ARHGEF10L: variants seen among roughly 807,000 people sequenced by gnomAD.
ARHGEF10L encodes the protein rho guanine nucleotide exchange factor 10-like protein.
A neutral mutation model predicts 141.2 loss-of-function variants in ARHGEF10L; 69 were observed. The ratio of observed to expected loss-of-function variants is 0.49; its 90% CI spans 0.40 to 0.60. The LOEUF (loss-of-function observed/expected upper bound fraction) is 0.60, where lower values mean the gene tolerates loss of function less well. Ranked by LOEUF, ARHGEF10L falls within the 20% of genes least tolerant of loss-of-function variation. The pLI, the probability that ARHGEF10L is intolerant of heterozygous loss-of-function variation, is 0.00. For synonymous variants in ARHGEF10L, 711 were observed against 718.5 expected (o/e 0.99, Z 0.17); for missense variants, 1,482 against 1,734.3 (o/e 0.85, Z 2.58).
Position 17,644,136 on chromosome 1 carries a change from T to G in ARHGEF10L, c.2272+3834T>G, listed in dbSNP as rs946427157. ...CATGGGCCTGGCAGGCCATGGCTAA[T>G]GCCAAACTCACAGGGACATAACCAG... On this transcript the variant is annotated intron_variant, in intron 21 of 28. Transcript: ENST00000361221. This position sits in a 1 kb window ranked among gnomAD's most constrained non-coding sequence, Gnocchi z 4.5. Among the ~76,000 whole-genome samples, 12 of 152,240 alleles carry G rather than the reference T, an allele frequency of 7.9e-5. No homozygotes were observed. The highest frequency in any genetic ancestry group is 1.6e-4 in the Non-Finnish European group (11 of 68,038).
chr1:17,579,718 G>T (rs1298093926), intron 1 of ARHGEF10L, among the ~76,000 whole-genome samples: 2 of 152,198 alleles, frequency 1.3e-5, no homozygotes, highest in Non-Finnish European at 2.9e-5. Context: ...AGACCAGGGG[G>T]CTGGGTGCTT....
In ARHGEF10L at chr1:17,627,844, G is replaced by C. The variant is rs1327127607; in HGVS notation, c.1584+341G>C. 6.6e-6 allele frequency among the ~76,000 whole-genome samples: 1 copy of C among 152,222 alleles called. No homozygotes were observed. The highest frequency in any genetic ancestry group is 1.5e-5 in the Non-Finnish European group (1 of 68,010). ...ATAGGTGCTTGCTGTGTGCCCTCAA[G>C]GGAATCACCCACCCTCTCTGAACCT... On this transcript the variant is annotated intron_variant, in intron 15 of 28. Transcript: ENST00000361221. The surrounding 1 kb of genome is among the most constrained non-coding windows in gnomAD (Gnocchi z 4.0).
chr1:17,643,185 G>A (rs1158499858), intron 21 of ARHGEF10L, among the ~76,000 whole-genome samples: 1 of 152,174 alleles, frequency 6.6e-6, no homozygotes, highest in African/African-American at 2.4e-5. Flanking sequence ...ATATGAGCCT[G>A]TTAGAAATAG....
intron 26 of ARHGEF10L, among the ~76,000 whole-genome samples, chr1:17,669,812 A>G (rs1036940916): frequency 1.3e-5 from 2 of 152,248 alleles, no homozygotes; most frequent in Non-Finnish European, 2.9e-5. Context: ...CACAGAAATG[A>G]GCAAGGTGGG....
At position 17,644,587 on chromosome 1, in the gene ARHGEF10L, T is replaced by A. The variant is rs2061487890; in HGVS notation, c.2273-3967T>A. The stretch of plus-strand genomic sequence containing the variant: ...CTGAGGTCCAGCCCAGCCTGACATC[T>A]GTGGCTGTGGCCAGCAGCATCTCCA... On this transcript the variant is annotated intron_variant, in intron 21 of 28. Transcript: ENST00000361221. This position sits in a 1 kb window ranked among gnomAD's most constrained non-coding sequence, Gnocchi z 4.5. Among the ~76,000 whole-genome samples the A allele has an allele frequency of 6.6e-6, 1 of 152,232 alleles. No individual in the cohort carries two copies. The highest frequency in any genetic ancestry group is 1.5e-5 in the Non-Finnish European group (1 of 68,040).
At chr1:17,596,128 G>A (rs764188758) in intron 4 of ARHGEF10L, among the ~76,000 whole-genome samples, 6 of 152,208 alleles carry the variant, frequency 3.9e-5, no homozygotes, top group Non-Finnish European at 7.3e-5. Context: ...CTGACCAACA[G>A]TCAGAGTCTC....
At position 17,603,565 on chromosome 1, in the gene ARHGEF10L, G is replaced by A; in HGVS notation, c.407G>A (p.Cys136Tyr). Residue 136 changes from cysteine to tyrosine, a missense_variant, in exon 6 of 29, where the codon TGC becomes TAC. Physicochemically the swap from Cys to Tyr is radical, Grantham distance 194. This residue lies in a region of ARHGEF10L where 232 missense variants were observed against 225.9 expected (regional missense o/e 1.03). Coordinates refer to ENST00000361221, the MANE Select transcript of ARHGEF10L (RefSeq NM_018125.4). This position sits in a 1 kb window ranked among gnomAD's most constrained non-coding sequence, Gnocchi z 4.8. ...EEDVIYDDVP[C>Y]ESPDAHQPGA... ...GATGTGATTTATGACGACGTCCCCT[G>A]CGAGAGCCCAGATGCGCATCAGCCC... is the stretch of plus-strand genomic sequence containing the variant. 6.2e-7 allele frequency: 1 copy of A among 1,613,618 alleles called. No homozygotes were observed. The highest frequency in any genetic ancestry group is 8.5e-7 in the Non-Finnish European group (1 of 1,179,778).
At chr1:17,609,980 A>G (rs1302652364) in intron 7 of ARHGEF10L, among the ~76,000 whole-genome samples, 1 of 152,154 alleles carries the variant, frequency 6.6e-6, no homozygotes, top group Non-Finnish European at 1.5e-5. Flanking sequence ...GGGGCTCTCG[A>G]GTCCTGGCCC....
chr1:17,618,320 A>G, intron 9 of ARHGEF10L: 2 of 1,522,108 alleles, frequency 1.3e-6, no homozygotes, highest in Non-Finnish European at 1.8e-6. Flanking sequence ...GGCGATATTA[A>G]TAGCCGTGGC....
At position 17,639,920 on chromosome 1, in the gene ARHGEF10L, G is replaced by A. The variant is rs187291564; in HGVS notation, c.2172-282G>A. 1.0e-4 allele frequency: 145 copies of A among 1,457,046 alleles called. 1 individual carries two copies. In the East Asian group the frequency reaches 3.5e-3, roughly 36 times the overall value. The allele number at this position is 1,457,046 out of a possible 1,614,324, so 90.3% of individuals were successfully genotyped here. ...AGTCACAGCCTGCAGAGGCTCTGCC[G>A]GGCACAAAGCCAGAGGCTCCTGGAG... On this transcript the variant is annotated intron_variant, in intron 20 of 28. Transcript: ENST00000361221. This position sits in a 1 kb window ranked among gnomAD's most constrained non-coding sequence, Gnocchi z 4.3.
intron 1 of ARHGEF10L, among the ~76,000 whole-genome samples, chr1:17,556,800 T>C (rs934773170): frequency 1.3e-5 from 2 of 152,172 alleles, no homozygotes; most frequent in South Asian, 2.1e-4. Flanking sequence ...TCCCGTTCAC[T>C]CAGGTGACTC....
At position 17,644,746 on chromosome 1, in the gene ARHGEF10L, G is replaced by A. The variant is rs1414848828; in HGVS notation, c.2273-3808G>A. 2.6e-5 allele frequency among the ~76,000 whole-genome samples: 4 copies of A among 152,214 alleles called. No individual in the cohort carries two copies. The highest frequency in any genetic ancestry group is 4.4e-5 in the Non-Finnish European group (3 of 68,034). Reference sequence around the variant, plus strand: ...AGGCAGGTCGGGCTGGAGAAGCAGGGCTGGGCCCGCGGTGGGCTCAGCTGC... The same window carrying A: ...AGGCAGGTCGGGCTGGAGAAGCAGGACTGGGCCCGCGGTGGGCTCAGCTGC... On this transcript the variant is annotated intron_variant, in intron 21 of 28. Transcript: ENST00000361221. This position sits in a 1 kb window ranked among gnomAD's most constrained non-coding sequence, Gnocchi z 4.5.
chr1:17,537,198 T>C (rs977093444), upstream of ARHGEF10L, among the ~76,000 whole-genome samples: 2 of 152,072 alleles, frequency 1.3e-5, no homozygotes, highest in East Asian at 3.9e-4. Context: ...CTGGCTGCAA[T>C]CTGACTTTTT....
chr1:17,551,110 G>C (rs746888950), intron 1 of ARHGEF10L, among the ~76,000 whole-genome samples: 1 of 152,004 alleles, frequency 6.6e-6, no homozygotes, highest in African/African-American at 2.4e-5. Context: ...GTTTGCCCAC[G>C]GCATTCCCGT....
intron 3 of ARHGEF10L, among the ~76,000 whole-genome samples, chr1:17,588,083 T>C (rs2079177402): frequency 6.6e-6 from 1 of 151,726 alleles, no homozygotes; most frequent in Non-Finnish European, 1.5e-5. Context: ...GCTCTTAGAG[T>C]CTGTTATCTG....
intron 1 of ARHGEF10L, among the ~76,000 whole-genome samples, chr1:17,576,015 C>T (rs1305626391): frequency 2.0e-5 from 3 of 152,338 alleles, no homozygotes; most frequent in Middle Eastern, 3.4e-3. Context: ...CTGCTTCCCC[C>T]GCTTCTGCCT....
chr1:17,600,885 A>G (rs1362785295), intron 4 of ARHGEF10L, among the ~76,000 whole-genome samples: 2 of 152,018 alleles, frequency 1.3e-5, no homozygotes, highest in Admixed American at 1.3e-4. Flanking sequence ...CCCCATCTCT[A>G]CCAAAAGTGC....
chr1:17,569,146 C>T (rs762863779), intron 1 of ARHGEF10L, among the ~76,000 whole-genome samples: 1 of 152,180 alleles, frequency 6.6e-6, no homozygotes, highest in African/African-American at 2.4e-5. Context: ...GGGTCAGGTA[C>T]CTGCCATTCG....
chr1:17,589,597 G>T (rs1486865923), intron 4 of ARHGEF10L, among the ~76,000 whole-genome samples: 1 of 152,214 alleles, frequency 6.6e-6, no homozygotes, highest in African/African-American at 2.4e-5. Flanking sequence ...TTGCTGTCCA[G>T]AGTGGGTGGA....
Sources: allele counts gnomAD v4.1 joint callset (sites outside exome capture counted in the v4.1 genomes callset), GRCh38; gene constraint gnomAD v4.1.1; regional missense constraint gnomAD v4.1.1; non-coding constraint Gnocchi (gnomAD v3.1); transcripts MANE v1.5; gene names NCBI Gene and HGNC (gene_info 2026-07-23, HGNC 2026-07-21).